INTS3: variants seen among roughly 807,000 people sequenced by gnomAD.
INTS3 encodes SOSS complex subunit A.
Under a neutral mutation model 146.3 loss-of-function variants are expected in INTS3, and 34 were observed. That is an observed-to-expected ratio of 0.23 (90% CI 0.18 to 0.31). INTS3 has a LOEUF of 0.31. Among genes scored for constraint, INTS3 ranks in the 10% least tolerant of loss-of-function variants. INTS3 has a pLI of 1.00. For missense variants in INTS3, 757 were observed against 1,304.2 expected, an observed-to-expected ratio of 0.58 and a Z score of 6.46; for synonymous variants, 475 against 494.9, an observed-to-expected ratio of 0.96 and a Z score of 0.53.
At chr1:153,763,186 G>A (rs1002720413) in intron 15 of INTS3, 47 bp from the exon 16 acceptor site, 3 of 1,613,266 alleles carry the variant, frequency 1.9e-6, no homozygotes, top group Admixed American at 3.3e-5. Context: ...TGTCTCTGTT[G>A]CTGGCATCTG....
chr1:153,729,873 A>AC (rs967792865), intron 1 of INTS3, among the ~76,000 whole-genome samples: 6 of 151,506 alleles, frequency 4.0e-5, no homozygotes, highest in African/African-American at 1.2e-4. Context: ...CTCAAAAAAA[A>AC]AAAAAAAAAG....
At chr1:153,741,710 G>A (rs1382995835) in intron 3 of INTS3, among the ~76,000 whole-genome samples, 2 of 152,250 alleles carry the variant, frequency 1.3e-5, no homozygotes, top group African/African-American at 2.4e-5. Context: ...TTATCCAGAA[G>A]AGCATGGCCT....
intron 1 of INTS3, among the ~76,000 whole-genome samples, chr1:153,729,539 T>C (rs1670983661): frequency 6.6e-6 from 1 of 152,190 alleles, no homozygotes; most frequent in South Asian, 2.1e-4. Context: ...CACGTATACC[T>C]TTCCACTCCT....
intron 3 of INTS3, among the ~76,000 whole-genome samples, chr1:153,744,799 G>A (rs965771625): frequency 2.3e-4 from 35 of 152,294 alleles, no homozygotes; most frequent in South Asian, 1.0e-3. Context: ...TGTTTTGGGA[G>A]GCCAAGACAG....
At chr1:153,762,923 C>A in intron 15 of INTS3, 76 bp downstream of exon 15, 2 of 1,559,164 alleles carry the variant, frequency 1.3e-6, no homozygotes, top group Non-Finnish European at 1.8e-6. Flanking sequence ...AGCCTCTCTG[C>A]ACTCTTCCTG....
At chr1:153,737,508 C>G (rs1671347378) in intron 1 of INTS3, among the ~76,000 whole-genome samples, 1 of 151,280 alleles carries the variant, frequency 6.6e-6, no homozygotes, top group Non-Finnish European at 1.5e-5. Context: ...GACCCTGGTA[C>G]TTTTTTTTTG....
At chr1:153,763,811 C>T in intron 16 of INTS3, 21 bp from the exon 17 acceptor site, 3 of 1,610,674 alleles carry the variant, frequency 1.9e-6, no homozygotes, top group Non-Finnish European at 2.5e-6. Flanking sequence ...CCTGGGATTT[C>T]CTCTCATTTC....
intron 1 of INTS3, among the ~76,000 whole-genome samples, chr1:153,734,662 A>T (rs1671221782): frequency 6.6e-6 from 1 of 152,162 alleles, no homozygotes; most frequent in Non-Finnish European, 1.5e-5. Context: ...GCAATAGATC[A>T]TTGCTGGAGG....
chr1:153,728,250 T>C lies in INTS3; in HGVS notation c.-385T>C. 2.7e-6 allele frequency: 1 copy of C among 373,674 alleles called. No individual in the cohort carries two copies. The highest frequency in any genetic ancestry group is 4.8e-6 in the Non-Finnish European group (1 of 210,378). The allele number at this position is 373,674 out of a possible 1,614,324, so 23.1% of individuals were successfully genotyped here. On this transcript the variant is annotated 5_prime_UTR_variant, in exon 1 of 30. Coordinates refer to ENST00000318967, the MANE Select transcript of INTS3 (RefSeq NM_023015.5). ...TAATTCAGGGGCAGGACTCCTCTTTTCCCCCCACGGGGAAAAGAGGCAGAA... is the reference window on the plus strand; with the variant it reads ...TAATTCAGGGGCAGGACTCCTCTTTCCCCCCCACGGGGAAAAGAGGCAGAA...
chr1:153,764,723 C>T lies in INTS3; in HGVS notation c.1959C>T (p.Tyr653=), dbSNP rs200736215. 386 of 1,608,998 alleles carry T rather than the reference C, an allele frequency of 2.4e-4. No individual in the cohort carries two copies. The highest frequency in any genetic ancestry group is 2.7e-4 in the Non-Finnish European group (314 of 1,175,500). Residue 653 remains tyrosine (Y), a synonymous_variant, in exon 19 of 30, where the codon TAC becomes TAT. Coordinates refer to ENST00000318967, the MANE Select transcript of INTS3 (RefSeq NM_023015.5). ...SLEESVGKPL[Y]LIFRNLCQMQ... ...AGGAGTCTGTAGGAAAGCCTCTGTA[C>T]CTAATATTTAGGTAAGCACGCAGCT...
At chr1:153,767,886 A>G in intron 21 of INTS3, 59 bp downstream of exon 21, 2 of 1,489,186 alleles carry the variant, frequency 1.3e-6, no homozygotes, top group East Asian at 2.5e-5. Flanking sequence ...CTCAGTGAAC[A>G]CTCTGAGTAC....
intron 11 of INTS3, chr1:153,760,033 C>A: frequency 5.6e-6 from 3 of 538,990 alleles, no homozygotes; most frequent in Non-Finnish European, 6.6e-6. Context: ...TTCCCAGAGC[C>A]ATTCATGTAT....
In INTS3 at chr1:153,772,803, C is replaced by G; in HGVS notation, c.2894+92C>G. On this transcript the variant is annotated intron_variant, in intron 28 of 29. Transcript: ENST00000318967. The surrounding 1 kb of genome is among the most constrained non-coding windows in gnomAD (Gnocchi z 4.6). ...CTAGGGACATAAACGTAATGGCCAG[C>G]AAGACCTTAGGGTCCAGGGTTGAAG... The G allele has an allele frequency of 6.3e-7, 1 of 1,576,954 alleles. No individual in the cohort carries two copies. The highest frequency in any genetic ancestry group is 8.6e-7 in the Non-Finnish European group (1 of 1,158,470).
rs1671944828 is a variant in INTS3 at position 153,751,168 on chromosome 1, C to G, written c.658C>G (p.His220Asp). The G allele has an allele frequency of 6.2e-7, 1 of 1,614,002 alleles. No homozygotes were observed. Among genetic ancestry groups the G allele is most frequent in the African/African-American group, 1.3e-5 (1 of 74,926 alleles). The change falls in exon 7 of 30, where the codon CAT becomes GAT. Residue 220 changes from histidine (H) to aspartate (D), a missense_variant. His to Asp is a moderately conservative substitution (Grantham distance 81). Coordinates refer to ENST00000318967, the MANE Select transcript of INTS3 (RefSeq NM_023015.5). Reference sequence around the variant, plus strand: ...GTACCTCCGCCTCATCGTGGACCACCATGGGACTGCCCAGCTCCAGGCCCT... The same window carrying G: ...GTACCTCCGCCTCATCGTGGACCACGATGGGACTGCCCAGCTCCAGGCCCT... ...YTYLRLIVDH[H>D]GTAQLQALRQ...
chr1:153,767,998 G>T (rs1030750284), intron 21 of INTS3, among the ~76,000 whole-genome samples, 171 bp downstream of exon 21: 1 of 152,138 alleles, frequency 6.6e-6, no homozygotes, highest in Non-Finnish European at 1.5e-5. Flanking sequence ...TTTATTAGTG[G>T]TTGAAACATT....
At chr1:153,730,029 A>G (rs549784002) in intron 1 of INTS3, among the ~76,000 whole-genome samples, 16 of 152,278 alleles carry the variant, frequency 1.1e-4, no homozygotes, top group South Asian at 6.2e-4. Flanking sequence ...TTTATCAGCT[A>G]TTAGAGGGTG....
rs980179248 is a variant in INTS3 at position 153,773,090 on chromosome 1, C to T, written c.3051+9C>T. Reference sequence around the variant, plus strand: ...GCTCCAGCAGTGCTTCAGTGAGAACCCAGCCAGTGCACAGGGGGAAAAGGA... The same window carrying T: ...GCTCCAGCAGTGCTTCAGTGAGAACTCAGCCAGTGCACAGGGGGAAAAGGA... On this transcript the variant is annotated intron_variant, in intron 29 of 29. Coordinates refer to ENST00000318967, the MANE Select transcript of INTS3 (RefSeq NM_023015.5). The T allele has an allele frequency of 1.2e-6, 2 of 1,614,142 alleles. No individual in the cohort carries two copies. The highest frequency in any genetic ancestry group is 1.7e-5 in the Admixed American group (1 of 60,024).
At position 153,773,186 on chromosome 1, in the gene INTS3, C is replaced by T. The variant is rs762873137; in HGVS notation, c.3052-7C>T. Reference sequence around the variant, plus strand: ...TAACTTCCCATTTCCCCTCCCATCTCTTCCAGGAAGAGGAAGACACGAAAC... The same window carrying T: ...TAACTTCCCATTTCCCCTCCCATCTTTTCCAGGAAGAGGAAGACACGAAAC... On this transcript the variant is annotated splice_polypyrimidine_tract_variant and splice_region_variant and intron_variant, in intron 29 of 29. Coordinates refer to ENST00000318967, the MANE Select transcript of INTS3 (RefSeq NM_023015.5). The T allele has an allele frequency of 4.3e-6, 7 of 1,613,936 alleles. No individual in the cohort carries two copies. In the African/African-American group the frequency reaches 9.3e-5, roughly 22 times the overall value.
chr1:153,750,042 G>A lies in INTS3; in HGVS notation c.585-1053G>A, dbSNP rs552249894. ...CCTTCCAAATGTTTCTAGGGCTGTGGAGTTAAAAGGTAGCAGGTAGGGGAG... is the reference window on the plus strand; with the variant it reads ...CCTTCCAAATGTTTCTAGGGCTGTGAAGTTAAAAGGTAGCAGGTAGGGGAG... On this transcript the variant is annotated intron_variant, in intron 6 of 29. Coordinates refer to ENST00000318967, the MANE Select transcript of INTS3 (RefSeq NM_023015.5). 7.9e-5 allele frequency among the ~76,000 whole-genome samples: 12 copies of A among 152,300 alleles called. No individual in the cohort carries two copies. In the South Asian group the frequency reaches 2.3e-3, roughly 29 times the overall value.
Sources: gnomAD v4.1 joint callset for allele counts (sites outside exome capture counted in the v4.1 genomes callset) on GRCh38, gnomAD v4.1.1 for gene constraint, Gnocchi (gnomAD v3.1) non-coding constraint, MANE v1.5 for transcripts, NCBI Gene and HGNC (gene_info 2026-07-23, HGNC 2026-07-21) for gene names.